NOL11: variants seen among roughly 807,000 people sequenced by gnomAD.
NOL11 encodes nucleolar protein 11.
In NOL11, 42 loss-of-function variants were observed where a neutral mutation model predicts 93.0. That is an observed-to-expected ratio of 0.45 (90% CI 0.35 to 0.58). NOL11 has a LOEUF of 0.58. Ranked by LOEUF, NOL11 falls within the 20% of genes least tolerant of loss-of-function variation. The pLI, the probability that NOL11 is intolerant of heterozygous loss-of-function variation, is 0.00. For missense variants in NOL11, 775 were observed against 841.8 expected (o/e 0.92, Z 0.98); for synonymous variants, 296 against 293.7 (o/e 1.01, Z -0.08).
intron 6 of NOL11, 56 bp downstream of exon 6, chr17:67,724,249 T>C: frequency 9.4e-7 from 1 of 1,063,194 alleles, no homozygotes; most frequent in Non-Finnish European, 1.4e-6. Context: ...TGTTATAGGA[T>C]AGTGTATGTT....
intron 7 of NOL11, among the ~76,000 whole-genome samples, chr17:67,733,903 T>G (rs1317620529): frequency 6.6e-6 from 1 of 152,134 alleles, no homozygotes; most frequent in East Asian, 1.9e-4. Context: ...GTATTTTGAT[T>G]AGGATTTTTT....
chr17:67,738,509 A>G, intron 14 of NOL11, 154 bp downstream of exon 14: 2 of 604,398 alleles, frequency 3.3e-6, no homozygotes, highest in South Asian at 4.4e-5. Context: ...GTTCAATGCT[A>G]CGTTAAGTAA....
intron 7 of NOL11, among the ~76,000 whole-genome samples, chr17:67,733,113 C>T (rs919664408): frequency 3.3e-5 from 5 of 151,816 alleles, no homozygotes; most frequent in Non-Finnish European, 7.4e-5. Flanking sequence ...CCTGTAATCT[C>T]AGCACTTTGG....
Position 67,732,755 on chromosome 17 carries a change from G to T in NOL11, c.854-1608G>T, listed in dbSNP as rs545681953. Among the ~76,000 whole-genome samples, 32 of 151,128 alleles carry T rather than the reference G, an allele frequency of 2.1e-4. No homozygotes were observed. The South Asian group carries it at 3.4e-3, about 16-fold the overall frequency. Reference sequence around the variant, plus strand: ...TGCCTGGCTAATTTTTTATATTTTAGTAAAGACAGGGTTTCACTGTGTTGC... The same window carrying T: ...TGCCTGGCTAATTTTTTATATTTTATTAAAGACAGGGTTTCACTGTGTTGC... On this transcript the variant is annotated intron_variant, in intron 7 of 17. Coordinates refer to ENST00000253247, the MANE Select transcript of NOL11 (RefSeq NM_015462.5).
chr17:67,738,560 G>C (rs954201496), intron 14 of NOL11: 8 of 537,782 alleles, frequency 1.5e-5, no homozygotes, highest in African/African-American at 1.3e-4. Flanking sequence ...GCTGGGCATG[G>C]GTGGCTCATG....
intron 7 of NOL11, chr17:67,727,172 G>A (rs1360062233): frequency 1.3e-5 from 2 of 152,956 alleles, no homozygotes; most frequent in Non-Finnish European, 2.9e-5. Flanking sequence ...CAGGATAGCA[G>A]ACCCCAGCCT....
chr17:67,723,868 G>A lies in NOL11; in HGVS notation c.520-181G>A, dbSNP rs530372775. ...TTGCAATGAGCTGAGATCACACCAC[G>A]GTAGCCCAGCCTGGGCCACAGAGCA... On this transcript the variant is annotated intron_variant, in intron 5 of 17. Transcript: ENST00000253247. 5.9e-5 allele frequency among the ~76,000 whole-genome samples: 9 copies of A among 152,008 alleles called. No homozygotes were observed. In the South Asian group the frequency reaches 1.7e-3, roughly 28 times the overall value.
intron 8 of NOL11, 95 bp downstream of exon 8, chr17:67,734,534 G>T: frequency 1.4e-6 from 1 of 736,804 alleles, no homozygotes; most frequent in Non-Finnish European, 2.3e-6. Flanking sequence ...CTGTTGCCCA[G>T]GCTGGTCTTT....
In NOL11 at chr17:67,737,201, G is replaced by T. The variant is rs761085309; in HGVS notation, c.1218+56G>T. On this transcript the variant is annotated intron_variant, in intron 11 of 17. Transcript: ENST00000253247. ...CAAACTCAAGTGTTCCAAAGAAATC[G>T]CATCTACTCTTCGTTCTGTCTTATT... 1.8e-5 allele frequency: 18 copies of T among 1,025,330 alleles called. No homozygotes were observed. In the South Asian group the frequency reaches 1.8e-4, roughly 10 times the overall value. The allele number at this position is 1,025,330 out of a possible 1,614,324, so 63.5% of individuals were successfully genotyped here. A position where few individuals can be genotyped will look rare whatever the true frequency, so the allele number is the denominator to read the frequency against.
Position 67,718,088 on chromosome 17 carries a change from G to A in NOL11, c.141G>A (p.Lys47=). The change falls in exon 1 of 18, where the codon AAG becomes AAA. Residue 47 remains lysine, a splice_region_variant and synonymous_variant. Coordinates refer to ENST00000253247, the MANE Select transcript of NOL11 (RefSeq NM_015462.5). ...TDSGRTVILY[K]VSDQKPLGSW... ...GCGGCAGGACAGTCATCCTCTATAA[G>A]GTGAAGGCAATAGGTTTGGGAGCGC... is the stretch of plus-strand genomic sequence containing the variant. The A allele has an allele frequency of 6.2e-7, 1 of 1,613,890 alleles. No individual in the cohort carries two copies. Among genetic ancestry groups the A allele is most frequent in the Non-Finnish European group, 8.5e-7 (1 of 1,179,854 alleles).
intron 5 of NOL11, 21 bp from the exon 6 acceptor site, chr17:67,724,023 TATAAA>T: frequency 6.6e-7 from 1 of 1,504,286 alleles, no homozygotes; most frequent in Non-Finnish European, 8.9e-7. Context: ...TGGGAATATT[TATAAA>T]ATAACCTTTT....
chr17:67,723,005 CTTTTTTTTT>C (rs61233443), intron 5 of NOL11, among the ~76,000 whole-genome samples: 39 of 124,594 alleles, frequency 3.1e-4, no homozygotes, highest in Admixed American at 4.2e-4. Flanking sequence ...AATTTCAAAA[CTTTTTTTTT>C]TTTTTTTTTT....
intron 4 of NOL11, among the ~76,000 whole-genome samples, chr17:67,722,002 T>TA (rs111793636): frequency 0.04 from 6,078 of 152,346 alleles, 407 homozygotes; most frequent in African/African-American, 0.14. Context: ...CTGTTCATTT[T>TA]ACTTGTTTTC....
chr17:67,742,035 C>G (rs1346497020), intron 16 of NOL11, among the ~76,000 whole-genome samples: 2 of 152,182 alleles, frequency 1.3e-5, no homozygotes, highest in Non-Finnish European at 2.9e-5. Context: ...CAGTGAGGAT[C>G]TTTATACAGA....
rs2043202565 is a variant in NOL11, at chr17:67,719,664, A to C, written c.142-10A>C. 1 of 1,381,146 alleles carries C rather than the reference A, an allele frequency of 7.2e-7. No homozygotes were observed. The highest frequency in any genetic ancestry group is 1.0e-6 in the Non-Finnish European group (1 of 980,892). 85.6% of individuals were successfully genotyped at this position (1,381,146 alleles called of 1,614,324 possible). ...CTTCTTGAATATTGTATTTATCTTA[A>C]TTTCATTAGGTTTCTGATCAGAAAC... is the stretch of plus-strand genomic sequence containing the variant. On this transcript the variant is annotated splice_polypyrimidine_tract_variant and intron_variant, in intron 1 of 17. Coordinates refer to ENST00000253247, the MANE Select transcript of NOL11 (RefSeq NM_015462.5).
intron 7 of NOL11, among the ~76,000 whole-genome samples, chr17:67,728,677 C>T (rs1267474846): frequency 6.6e-6 from 1 of 151,984 alleles, no homozygotes; most frequent in African/African-American, 2.4e-5. Flanking sequence ...GGGTTTTTTC[C>T]CCTCCTCGTT....
At chr17:67,729,474 G>A (rs2055130470) in intron 7 of NOL11, among the ~76,000 whole-genome samples, 1 of 151,978 alleles carries the variant, frequency 6.6e-6, no homozygotes, top group Admixed American at 6.6e-5. Flanking sequence ...GGACCCATTA[G>A]GCAGTTGCTC....
rs1462504932 is a variant in NOL11 at position 67,737,117 on chromosome 17, C to G, written c.1190C>G (p.Pro397Arg). 1 of 1,610,538 alleles carries G rather than the reference C, an allele frequency of 6.2e-7. No individual in the cohort carries two copies. ...GTGAGTTTACAGCCAGAGGTTCCAC[C>G]ATCCAAACAACTTTTGTCAACCATA... ...IEVSLQPEVP[P>R]SKQLLSTIMK... The change falls in exon 11 of 18, where the codon CCA becomes CGA. Residue 397 changes from proline (P) to arginine (R), a missense_variant. Transcript: ENST00000253247.
rs2055273142 is a variant in NOL11, at chr17:67,743,471, A to G, written c.1936-8A>G. The G allele has an allele frequency of 1.6e-6, 2 of 1,260,152 alleles. No individual in the cohort carries two copies. The highest frequency in any genetic ancestry group is 2.3e-6 in the Non-Finnish European group (2 of 875,570). The allele number at this position is 1,260,152 out of a possible 1,614,324, so 78.1% of individuals were successfully genotyped here. ...AAATCTTAACTTCCTTTTCCTATTC[A>G]TCTTCAGATTATGGATTGGATATGT... On this transcript the variant is annotated splice_region_variant and splice_polypyrimidine_tract_variant and intron_variant, in intron 16 of 17. Coordinates refer to ENST00000253247, the MANE Select transcript of NOL11 (RefSeq NM_015462.5).
Sources: gnomAD v4.1 joint callset for allele counts (sites outside exome capture counted in the v4.1 genomes callset) on GRCh38, gnomAD v4.1.1 for gene constraint, MANE v1.5 for transcripts, NCBI Gene and HGNC (gene_info 2026-07-23, HGNC 2026-07-21) for gene names.